The following UBP1 variants were observed in gnomAD, a reference collection of about 807,000 sequenced individuals.
UBP1 encodes upstream-binding protein 1.
Under a neutral mutation model 76.1 loss-of-function variants are expected in UBP1, and 22 were observed. The observed-to-expected ratio is 0.29, with a 90% CI of 0.21 to 0.41. UBP1 has a LOEUF of 0.41. Ranked by LOEUF, UBP1 falls within the 10% of genes least tolerant of loss-of-function variation. The pLI, the probability that UBP1 is intolerant of heterozygous loss-of-function variation, is 1.00. For synonymous variants in UBP1, 224 were observed against 237.1 expected, an observed-to-expected ratio of 0.94 and a Z score of 0.51; for missense variants, 436 against 668.1, an observed-to-expected ratio of 0.65 and a Z score of 3.83.
intron 2 of UBP1, among the ~76,000 whole-genome samples, chr3:33,421,949 C>G (rs1575484995): frequency 1.3e-5 from 2 of 152,284 alleles, no homozygotes; most frequent in East Asian, 3.9e-4. Flanking sequence ...GAGGCTGAGG[C>G]AGGAGAATCC....
chr3:33,397,667 TAAAC>T (rs1387550470), intron 11 of UBP1: 2 of 152,180 alleles, frequency 1.3e-5, no homozygotes, highest in Non-Finnish European at 2.9e-5. Context: ...TTTTATAACA[TAAAC>T]AACTCTGTCA....
At chr3:33,431,381 A>C (rs955869411) in intron 1 of UBP1, among the ~76,000 whole-genome samples, 33 of 152,160 alleles carry the variant, frequency 2.2e-4, no homozygotes, top group African/African-American at 8.0e-4. Context: ...AAATGACCAA[A>C]CCAGAATAAA....
At chr3:33,392,428 T>G in intron 15 of UBP1, 135 bp downstream of exon 15, 1 of 732,824 alleles carries the variant, frequency 1.4e-6, no homozygotes, top group East Asian at 3.0e-5. Flanking sequence ...ACTAGAAATA[T>G]TCTCATTTAT....
rs762532299 is a variant in UBP1 at position 33,397,018 on chromosome 3, C to G, written c.1271+27G>C. On this transcript the variant is annotated intron_variant, in intron 12 of 15. Transcript: ENST00000283629. ...CGCGAAGAAAGGTACATTCTTATTT[C>G]AAGCAAAACAGTTCACAGTATTTTA... 40 of 1,574,628 alleles carry G rather than the reference C, an allele frequency of 2.5e-5. No individual in the cohort carries two copies. The Admixed American group carries it at 7.2e-4, about 28-fold the overall frequency.
At chr3:33,420,181 T>C (rs1452245556) in intron 2 of UBP1, among the ~76,000 whole-genome samples, 1 of 152,216 alleles carries the variant, frequency 6.6e-6, no homozygotes, top group Non-Finnish European at 1.5e-5. Context: ...CATGAAACTT[T>C]AGTAACATGA....
At chr3:33,426,766 T>A (rs2045025018) in intron 1 of UBP1, among the ~76,000 whole-genome samples, 1 of 152,240 alleles carries the variant, frequency 6.6e-6, no homozygotes, top group Admixed American at 6.5e-5. Flanking sequence ...TGCTTCATTC[T>A]TTTTAATGGC....
At chr3:33,396,616 T>C (rs557730880) in intron 12 of UBP1, 14 of 404,030 alleles carry the variant, frequency 3.5e-5, no homozygotes, top group African/African-American at 2.6e-4. Context: ...AGAGCAATGA[T>C]AGTAAATGGT....
chr3:33,400,601 T>C (rs1425095260), intron 10 of UBP1, among the ~76,000 whole-genome samples: 2 of 152,176 alleles, frequency 1.3e-5, no homozygotes, highest in African/African-American at 2.4e-5. Flanking sequence ...CTCACTTATA[T>C]GTGGGAACTA....
chr3:33,399,626 G>A (rs2044145389), intron 11 of UBP1, among the ~76,000 whole-genome samples: 1 of 152,192 alleles, frequency 6.6e-6, no homozygotes, highest in Non-Finnish European at 1.5e-5. Flanking sequence ...ATGTAAAGTG[G>A]TTGCCAAGGA....
intron 3 of UBP1, among the ~76,000 whole-genome samples, chr3:33,414,440 C>A (rs1026321788): frequency 1.5e-4 from 23 of 151,814 alleles, no homozygotes; most frequent in Non-Finnish European, 3.4e-4. Context: ...AAAAATAGGA[C>A]AAAAAAAGAC....
At chr3:33,416,552 T>C (rs1206398298) in intron 3 of UBP1, among the ~76,000 whole-genome samples, 1 of 152,238 alleles carries the variant, frequency 6.6e-6, no homozygotes, top group Non-Finnish European at 1.5e-5. Context: ...ACTTTTCTAT[T>C]GCTCCTTGAT....
chr3:33,395,896 C>T (rs1205788275), intron 13 of UBP1, among the ~76,000 whole-genome samples: 3 of 149,772 alleles, frequency 2.0e-5, no homozygotes, highest in African/African-American at 7.3e-5. Flanking sequence ...CTAGTTTTTC[C>T]ACTTGTTAGA....
intron 1 of UBP1, among the ~76,000 whole-genome samples, chr3:33,426,737 G>A (rs991214162): frequency 2.6e-5 from 4 of 152,112 alleles, no homozygotes; most frequent in African/African-American, 7.2e-5. Flanking sequence ...TGGACCATCC[G>A]TGTTCTAACA....
Position 33,402,831 on chromosome 3 carries a change from G to A in UBP1, c.1001C>T (p.Pro334Leu). 6.2e-7 allele frequency: 1 copy of A among 1,605,474 alleles called. No individual in the cohort carries two copies. Among genetic ancestry groups the A allele is most frequent in the South Asian group, 1.1e-5 (1 of 89,250 alleles). ...TGGGACACTGCAAGTGCTCTGCTGT[G>A]GGGAGGTGAAAGTGGGCGCTGGGGA... ...SPSPAPTFTS[P>L]QQSTCSVPDS... Residue 334 changes from proline (P) to leucine (L), a missense_variant, in exon 9 of 16, where the codon CCA becomes CTA. Coordinates refer to ENST00000283629, the MANE Select transcript of UBP1 (RefSeq NM_014517.5).
At chr3:33,435,272 T>G (rs2045187008) in intron 1 of UBP1, among the ~76,000 whole-genome samples, 1 of 152,082 alleles carries the variant, frequency 6.6e-6, no homozygotes, top group Admixed American at 6.5e-5. Context: ...GAAAAGATTC[T>G]AAGGAAAAAA....
In UBP1 at chr3:33,409,438, C is replaced by T; in HGVS notation, c.708+11G>A. 6.2e-7 allele frequency: 1 copy of T among 1,614,058 alleles called. No individual in the cohort carries two copies. The highest frequency in any genetic ancestry group is 8.5e-7 in the Non-Finnish European group (1 of 1,179,958). On this transcript the variant is annotated intron_variant, in intron 6 of 15. Transcript: ENST00000283629. ...GCCTTAATTACAGAAAACCCGGGTT[C>T]TCTGTCTTACCTTAAAAACTTTGAT...
intron 8 of UBP1, among the ~76,000 whole-genome samples, chr3:33,406,946 C>T (rs1209582064): frequency 4.6e-5 from 7 of 152,194 alleles, no homozygotes; most frequent in Admixed American, 2.6e-4. Flanking sequence ...CCATTTCATT[C>T]GGCATCTTTT....
At chr3:33,408,548 AG>A (rs1449846288) in intron 8 of UBP1, 141 bp downstream of exon 8, 4 of 588,558 alleles carry the variant, frequency 6.8e-6, no homozygotes, top group Non-Finnish European at 1.1e-5. Context: ...AAACAGAAGC[AG>A]GAAGTCTAAA....
intron 11 of UBP1, 99 bp downstream of exon 11, chr3:33,400,090 C>A: frequency 1.5e-6 from 1 of 686,402 alleles, no homozygotes; most frequent in Non-Finnish European, 2.1e-6. Flanking sequence ...AACTTCCTAT[C>A]CATAGTTATT....
Sources: allele counts gnomAD v4.1 joint callset (sites outside exome capture counted in the v4.1 genomes callset), GRCh38; gene constraint gnomAD v4.1.1; transcripts MANE v1.5; gene names NCBI Gene and HGNC (gene_info 2026-07-23, HGNC 2026-07-21).